The following KIF5C variants were observed in gnomAD, a reference collection of about 807,000 sequenced individuals.
KIF5C encodes kinesin family member 5C.
A neutral mutation model predicts 125.2 loss-of-function variants in KIF5C; 18 were observed. That is an observed-to-expected ratio of 0.14 (90% CI 0.10 to 0.21). KIF5C has a LOEUF of 0.21. Among genes scored for constraint, KIF5C ranks in the 10% least tolerant of loss-of-function variants. The pLI, the probability that KIF5C is intolerant of heterozygous loss-of-function variation, is 1.00. For synonymous variants in KIF5C, 405 were observed against 434.0 expected (o/e 0.93, Z 0.83); for missense variants, 780 against 1,183.8 (o/e 0.66, Z 5.01).
chr2:148,978,801 T>C (rs1408891713), intron 12 of KIF5C, 121 bp from the exon 13 acceptor site: 1 of 1,318,372 alleles, frequency 7.6e-7, no homozygotes, highest in Non-Finnish European at 9.9e-7. Flanking sequence ...TTCTGTGCAG[T>C]AACACCACAC....
At chr2:148,992,159 A>G (rs1184603381) in intron 16 of KIF5C, among the ~76,000 whole-genome samples, 3 of 152,214 alleles carry the variant, frequency 2.0e-5, no homozygotes, top group African/African-American at 7.2e-5. Context: ...AATCATAGAA[A>G]CATCTCCAAC....
chr2:148,998,469 G>A lies in KIF5C; in HGVS notation c.2170G>A (p.Glu724Lys), dbSNP rs1456311400. ...HQKQLSRLRD[E>K]IEEKQKIIDE... Reference sequence around the variant, plus strand: ...GAAGCAGCTGTCCAGACTCCGAGACGAAATTGAGGAGAAGCAGAAAATCAT... The same window carrying A: ...GAAGCAGCTGTCCAGACTCCGAGACAAAATTGAGGAGAAGCAGAAAATCAT... The change falls in exon 19 of 26, where the codon GAA becomes AAA. Residue 724 changes from glutamate to lysine, a missense_variant. Physicochemically the swap from Glu to Lys is moderately conservative, Grantham distance 56. Coordinates refer to ENST00000435030, the MANE Select transcript of KIF5C (RefSeq NM_004522.3). The A allele has an allele frequency of 8.3e-6, 13 of 1,563,404 alleles. No individual in the cohort carries two copies. The highest frequency in any genetic ancestry group is 1.9e-5 in the Admixed American group (1 of 52,090).
intron 21 of KIF5C, among the ~76,000 whole-genome samples, chr2:149,001,684 G>A (rs942859618): frequency 2.0e-5 from 3 of 152,154 alleles, no homozygotes; most frequent in South Asian, 4.1e-4. Context: ...GCCTGGCTCC[G>A]TGCCCCACAG....
chr2:148,971,320 C>G (rs1397239478), intron 11 of KIF5C, among the ~76,000 whole-genome samples: 2 of 151,850 alleles, frequency 1.3e-5, no homozygotes, highest in East Asian at 1.9e-4. Context: ...ATCTATCTAT[C>G]TATCTATCTA....
In KIF5C at chr2:149,007,991, G is replaced by A; in HGVS notation, c.2474G>A (p.Gly825Glu). ...GTGGAGTTGGACAACGATGATGGAGGGGGCAGTGCTGCCCAGAAGCAGAAA... is the reference window on the plus strand; with the variant it reads ...GTGGAGTTGGACAACGATGATGGAGAGGGCAGTGCTGCCCAGAAGCAGAAA... ...KSVELDNDDG[G>E]GSAAQKQKIS... is the part of the protein sequence containing the mutation. The change falls in exon 23 of 26, where the codon GGG becomes GAG. Residue 825 changes from glycine to glutamate, a missense_variant. This residue lies in a region of KIF5C where 573 missense variants were observed against 742.6 expected (regional missense o/e 0.77). Coordinates refer to ENST00000435030, the MANE Select transcript of KIF5C (RefSeq NM_004522.3). 2.5e-6 allele frequency: 4 copies of A among 1,609,184 alleles called. No homozygotes were observed. In the South Asian group the frequency reaches 4.4e-5, roughly 18 times the overall value.
chr2:148,947,160 AT>A, intron 8 of KIF5C, 137 bp downstream of exon 8: 1 of 1,322,172 alleles, frequency 7.6e-7, no homozygotes, highest in African/African-American at 1.5e-5. Flanking sequence ...CCAAGGTGTT[AT>A]TACATTTAAC....
chr2:148,995,932 G>A lies in KIF5C; in HGVS notation c.2024-1332G>A, dbSNP rs1036519142. On this transcript the variant is annotated intron_variant, in intron 17 of 25. Coordinates refer to ENST00000435030, the MANE Select transcript of KIF5C (RefSeq NM_004522.3). ...AGCACTTTGCGAGGCTGAGGCGGGC[G>A]GATCACGAGGTCAGGAGTTCGAGAC... Among the ~76,000 whole-genome samples, 10 of 152,124 alleles carry A rather than the reference G, an allele frequency of 6.6e-5. No individual in the cohort carries two copies. The South Asian group carries it at 1.0e-3, about 16-fold the overall frequency.
At chr2:148,940,247 G>A (rs979682556) in intron 4 of KIF5C, among the ~76,000 whole-genome samples, 1 of 152,196 alleles carries the variant, frequency 6.6e-6, no homozygotes, top group Non-Finnish European at 1.5e-5. Flanking sequence ...GGGGAGTGTG[G>A]CAGCATGAAA....
chr2:149,000,278 C>A, intron 19 of KIF5C, 145 bp from the exon 20 acceptor site: 1 of 951,396 alleles, frequency 1.1e-6, no homozygotes, highest in Non-Finnish European at 1.5e-6. Flanking sequence ...AGCTGTGAGG[C>A]TGTTCTGTGA....
In KIF5C at chr2:148,875,272, C is replaced by T. The variant is rs1039915475; in HGVS notation, c.-346C>T. 3.3e-5 allele frequency: 7 copies of T among 214,582 alleles called. No individual in the cohort carries two copies. Among genetic ancestry groups the T allele is most frequent in the African/African-American group, 9.3e-5 (4 of 43,016 alleles). The allele number at this position is 214,582 out of a possible 1,614,324, so 13.3% of individuals were successfully genotyped here. On this transcript the variant is annotated 5_prime_UTR_variant, in exon 1 of 26. Transcript: ENST00000435030. ...CAGGATGGCTGAGCGCGCAGGAGCC[C>T]GGGAGGTCTGAGCCGGGCGAGGCTC...
Position 148,875,567 on chromosome 2 carries a change from C to CCGCCCCCGG in KIF5C, c.-51_-50insCGCCCCCGG. On this transcript the variant is annotated 5_prime_UTR_variant, in exon 1 of 26. Coordinates refer to ENST00000435030, the MANE Select transcript of KIF5C (RefSeq NM_004522.3). ...TCGCGGCCTCCTCCCTCGTCGTTCCCGGCCCCGGCCCCCCACCCATCCCCG... is the reference window on the plus strand; with the variant it reads ...TCGCGGCCTCCTCCCTCGTCGTTCCCCGCCCCCGGGGCCCCGGCCCCCCACCCATCCCCG... The CCGCCCCCGG allele has an allele frequency of 1.2e-6, 1 of 853,192 alleles. No homozygotes were observed. Among genetic ancestry groups the CCGCCCCCGG allele is most frequent in the East Asian group, 2.8e-5 (1 of 35,866 alleles). 52.9% of individuals were successfully genotyped at this position (853,192 alleles called of 1,614,324 possible).
In KIF5C at chr2:149,024,953, G is replaced by A. The variant is rs952842320; in HGVS notation, c.*1883G>A. 2.0e-5 allele frequency: 3 copies of A among 152,120 alleles called. No individual in the cohort carries two copies. Among genetic ancestry groups the A allele is most frequent in the Admixed American group, 1.3e-4 (2 of 15,274 alleles). The allele number at this position is 152,120 out of a possible 1,614,324, so 9.4% of individuals were successfully genotyped here. ...CTTCTGATTTGGGAAGCTAAACATTGGTGTTTGAGAGGATTGCCAATTATT... is the reference window on the plus strand; with the variant it reads ...CTTCTGATTTGGGAAGCTAAACATTAGTGTTTGAGAGGATTGCCAATTATT... On this transcript the variant is annotated 3_prime_UTR_variant, in exon 26 of 26. Coordinates refer to ENST00000435030, the MANE Select transcript of KIF5C (RefSeq NM_004522.3).
At position 148,924,487 on chromosome 2, in the gene KIF5C, T is replaced by TA. The variant is rs911828431; in HGVS notation, c.217+2268dup. ...TTCATTCCCTACCACTTCACTGGGT[T>TA]AAAAAAAATATATTTTAAATGTTTG... On this transcript the variant is annotated intron_variant, in intron 2 of 25. Coordinates refer to ENST00000435030, the MANE Select transcript of KIF5C (RefSeq NM_004522.3). The surrounding 1 kb of genome is among the most constrained non-coding windows in gnomAD (Gnocchi z 4.0). 1.3e-4 allele frequency among the ~76,000 whole-genome samples: 19 copies of TA among 150,536 alleles called. No homozygotes were observed. The highest frequency in any genetic ancestry group is 4.2e-4 in the South Asian group (2 of 4,802).
At chr2:148,926,183 G>T (rs1290015763) in intron 2 of KIF5C, among the ~76,000 whole-genome samples, 1 of 152,222 alleles carries the variant, frequency 6.6e-6, no homozygotes, top group Non-Finnish European at 1.5e-5. Context: ...CCTGGATTCA[G>T]AACTGAGCAA....
intron 13 of KIF5C, among the ~76,000 whole-genome samples, chr2:148,979,697 G>C (rs952749836): frequency 6.6e-6 from 1 of 152,160 alleles, no homozygotes; most frequent in African/African-American, 2.4e-5. Context: ...CTGCTGTCCT[G>C]TAGGGATACA....
chr2:148,998,633 G>C (rs1681748345), intron 19 of KIF5C, 124 bp downstream of exon 19: 1 of 1,430,376 alleles, frequency 7.0e-7, no homozygotes, highest in Non-Finnish European at 9.4e-7. Flanking sequence ...CACTGCCCTG[G>C]TGACACAGCA....
rs1166832234 is a variant in KIF5C, at chr2:148,876,232, T to C, written c.126+489T>C. Among the ~76,000 whole-genome samples the C allele has an allele frequency of 6.6e-6, 1 of 152,120 alleles. No homozygotes were observed. The highest frequency in any genetic ancestry group is 1.9e-4 in the East Asian group (1 of 5,186). On this transcript the variant is annotated intron_variant, in intron 1 of 25. Coordinates refer to ENST00000435030, the MANE Select transcript of KIF5C (RefSeq NM_004522.3). The surrounding 1 kb of genome is among the most constrained non-coding windows in gnomAD (Gnocchi z 4.7). ...GAAAGAAAAAGGGGTACAGGAAAAT[T>C]TCTAGTCGCGTCTCGGAGCTCCCGC... is the stretch of plus-strand genomic sequence containing the variant.
intron 1 of KIF5C, among the ~76,000 whole-genome samples, 172 bp downstream of exon 1, chr2:148,875,915 CG>C (rs1177629750): frequency 7.3e-6 from 1 of 136,500 alleles, no homozygotes; most frequent in Non-Finnish European, 1.6e-5. Flanking sequence ...GGTTCCCTCC[CG>C]GGCGGGTGGA....
At chr2:149,000,601 C>T in intron 20 of KIF5C, 77 bp downstream of exon 20, 1 of 1,566,848 alleles carries the variant, frequency 6.4e-7, no homozygotes, top group Admixed American at 1.9e-5. Context: ...AATTTAAAAA[C>T]AGACAATGGC....
Sources: allele counts gnomAD v4.1 joint callset (sites outside exome capture counted in the v4.1 genomes callset), GRCh38; gene constraint gnomAD v4.1.1; regional missense constraint gnomAD v4.1.1; non-coding constraint Gnocchi (gnomAD v3.1); transcripts MANE v1.5; gene names NCBI Gene and HGNC (gene_info 2026-07-23, HGNC 2026-07-21).